Variants in PLD5 observed in about 807,000 individuals in gnomAD.
PLD5 encodes phospholipase D family member 5.
PLD5 carries 36 observed loss-of-function variants against 61.1 expected under a neutral mutation model. That is an observed-to-expected ratio of 0.59 (90% CI 0.45 to 0.78). PLD5 has a LOEUF of 0.78. PLD5 is among the 30% of genes least tolerant of loss of function. The pLI, the probability that PLD5 is intolerant of heterozygous loss-of-function variation, is 0.00. For missense variants in PLD5, 515 were observed against 644.4 expected, an observed-to-expected ratio of 0.80 and a Z score of 2.17; for synonymous variants, 243 against 242.8, an observed-to-expected ratio of 1.00 and a Z score of -0.01.
intron 1 of PLD5, among the ~76,000 whole-genome samples, chr1:242,481,801 G>T (rs1442034985): frequency 6.6e-6 from 1 of 152,166 alleles, no homozygotes; most frequent in African/African-American, 2.4e-5. Flanking sequence ...TAACTGAGAG[G>T]CACCCCCTAG....
chr1:242,403,073 T>C lies in PLD5; in HGVS notation c.190-54831A>G, dbSNP rs1426665933. Among the ~76,000 whole-genome samples the C allele has an allele frequency of 4.6e-5, 7 of 152,144 alleles. 1 individual carries two copies. Among genetic ancestry groups the C allele is most frequent in the Admixed American group, 4.6e-4 (7 of 15,278 alleles). ...GCGCCAGCCTGAGAAACAGAAAACA[T>C]GTGGAGGTTAGTTTTTCTTTCGGAA... On this transcript the variant is annotated intron_variant, in intron 1 of 9. Transcript: ENST00000536534.
At chr1:242,468,183 GTGATTTAT>G (rs1197334348) in intron 1 of PLD5, among the ~76,000 whole-genome samples, 1 of 152,158 alleles carries the variant, frequency 6.6e-6, no homozygotes, top group Non-Finnish European at 1.5e-5. Flanking sequence ...AGTTTTCATA[GTGATTTAT>G]TGACTTTAAG....
intron 1 of PLD5, among the ~76,000 whole-genome samples, chr1:242,416,408 C>T (rs2149293691): frequency 6.6e-6 from 1 of 152,046 alleles, no homozygotes; most frequent in Admixed American, 6.5e-5. Flanking sequence ...GTATAATTTC[C>T]TACAGGTGTC....
At chr1:242,453,478 T>C (rs1004077252) in intron 1 of PLD5, among the ~76,000 whole-genome samples, 2 of 152,242 alleles carry the variant, frequency 1.3e-5, no homozygotes, top group Non-Finnish European at 2.9e-5. Context: ...ATTTTTATTG[T>C]ACCCTTAGAA....
At chr1:242,267,364 T>A (rs1160256533) in intron 3 of PLD5, among the ~76,000 whole-genome samples, 1 of 151,998 alleles carries the variant, frequency 6.6e-6, no homozygotes, top group East Asian at 2.0e-4. Flanking sequence ...TGCTCCATAA[T>A]CCCTGGGTGT....
At position 242,107,762 on chromosome 1, in the gene PLD5, C is replaced by T. The variant is rs1163735445; in HGVS notation, c.1148G>A (p.Ser383Asn). 8 of 1,612,748 alleles carry T rather than the reference C, an allele frequency of 5.0e-6. No homozygotes were observed. The highest frequency in any genetic ancestry group is 6.8e-6 in the Non-Finnish European group (8 of 1,179,714). ...LRSVRVRLLL[S>N]FWKETDPLTF... is the part of the protein sequence containing the mutation. ...AAGGGGATCAGTTTCCTTCCAGAAG[C>T]TTAAAAGGAGTCGAACTCTAACGCT... The change falls in exon 8 of 10, where the codon AGC (serine) becomes AAC (asparagine). Residue 383 changes from serine to asparagine, a missense_variant. By Grantham distance (46) the Ser-to-Asn change is conservative. Coordinates refer to ENST00000536534, the MANE Select transcript of PLD5 (RefSeq NM_001372062.1).
intron 1 of PLD5, among the ~76,000 whole-genome samples, chr1:242,444,725 T>TAA (rs1345252420): frequency 6.3e-3 from 14 of 2,236 alleles, no homozygotes; most frequent in Non-Finnish European, 0.038. Flanking sequence ...TAAAATAATA[T>TAA]ATATATTATT....
chr1:242,269,265 C>T (rs1673904292), intron 3 of PLD5, among the ~76,000 whole-genome samples: 1 of 152,160 alleles, frequency 6.6e-6, no homozygotes. Flanking sequence ...GATAAATTAT[C>T]TCAAAGACTA....
intron 5 of PLD5, among the ~76,000 whole-genome samples, chr1:242,187,171 C>A (rs1336067282): frequency 1.3e-5 from 2 of 152,192 alleles, no homozygotes; most frequent in Non-Finnish European, 2.9e-5. Flanking sequence ...AGGGGACCCC[C>A]ATTCCTCAAT....
chr1:242,143,618 C>T (rs903097243), intron 5 of PLD5, among the ~76,000 whole-genome samples: 5 of 151,852 alleles, frequency 3.3e-5, no homozygotes, highest in Non-Finnish European at 5.9e-5. Flanking sequence ...AAATATAAAC[C>T]CCGAGGAGGG....
At chr1:242,142,905 A>G (rs1407668971) in intron 5 of PLD5, among the ~76,000 whole-genome samples, 1 of 150,906 alleles carries the variant, frequency 6.6e-6, no homozygotes, top group Non-Finnish European at 1.5e-5. Flanking sequence ...TTTAGTAGAG[A>G]TGGGGTTTCA....
intron 1 of PLD5, among the ~76,000 whole-genome samples, chr1:242,503,039 A>C (rs1012698686): frequency 6.6e-6 from 1 of 152,142 alleles, no homozygotes; most frequent in African/African-American, 2.4e-5. Flanking sequence ...CCAGCCTGGC[A>C]ACAGAGCAAG....
At chr1:242,166,738 A>G (rs1666331314) in intron 5 of PLD5, among the ~76,000 whole-genome samples, 1 of 152,216 alleles carries the variant, frequency 6.6e-6, no homozygotes, top group Admixed American at 6.5e-5. Flanking sequence ...CACATATGTG[A>G]TATCTCCTAC....
intron 1 of PLD5, among the ~76,000 whole-genome samples, chr1:242,404,441 C>T (rs1664112924): frequency 6.6e-6 from 1 of 152,118 alleles, no homozygotes; most frequent in Non-Finnish European, 1.5e-5. Context: ...TGCACAGAAT[C>T]TGTCAGACAT....
intron 5 of PLD5, among the ~76,000 whole-genome samples, chr1:242,167,106 TAATAATAATA>T (rs1666375449): frequency 7.0e-6 from 1 of 143,654 alleles, no homozygotes; most frequent in African/African-American, 2.7e-5. Flanking sequence ...ATAATAATAA[TAATAATAATA>T]AATAGTAGCC....
chr1:242,329,807 A>G (rs1659058622), intron 2 of PLD5, among the ~76,000 whole-genome samples: 1 of 152,170 alleles, frequency 6.6e-6, no homozygotes, highest in Non-Finnish European at 1.5e-5. Flanking sequence ...TATGTATGCT[A>G]TCTCGACTAA....
intron 4 of PLD5, among the ~76,000 whole-genome samples, chr1:242,231,208 C>G (rs551252240): frequency 6.6e-6 from 1 of 152,180 alleles, no homozygotes; most frequent in Non-Finnish European, 1.5e-5. Context: ...GCACGTGCTA[C>G]GGCTTCCTCC....
chr1:242,126,263 A>T (rs542110317), intron 5 of PLD5, among the ~76,000 whole-genome samples: 12 of 152,360 alleles, frequency 7.9e-5, no homozygotes, highest in African/African-American at 2.9e-4. Context: ...ATTCAATGCA[A>T]TTCCCATCAA....
At chr1:242,249,402 A>C (rs1385380437) in intron 4 of PLD5, among the ~76,000 whole-genome samples, 2 of 152,210 alleles carry the variant, frequency 1.3e-5, no homozygotes, top group African/African-American at 4.8e-5. Flanking sequence ...TAAATTATCC[A>C]GTCTCAAATA....
Sources: allele counts gnomAD v4.1 joint callset (sites outside exome capture counted in the v4.1 genomes callset), GRCh38; gene constraint gnomAD v4.1.1; transcripts MANE v1.5; gene names NCBI Gene and HGNC (gene_info 2026-07-23, HGNC 2026-07-21).